The following LTBP1 variants were observed in gnomAD, a reference collection of about 807,000 sequenced individuals.
LTBP1 encodes the protein latent transforming growth factor beta binding protein 1.
LTBP1 carries 129 observed loss-of-function variants against 207.6 expected under a neutral mutation model. The ratio of observed to expected loss-of-function variants is 0.62; its 90% CI spans 0.54 to 0.72. LTBP1 has a LOEUF of 0.72. LTBP1 is among the 30% of genes least tolerant of loss of function. LTBP1 has a pLI of 0.00. For synonymous variants in LTBP1, 963 were observed against 833.7 expected (o/e 1.16, Z -2.67); for missense variants, 2,281 against 2,217.2 (o/e 1.03, Z -0.58).
At chr2:33,267,182 A>C (rs2093205354) in intron 15 of LTBP1, among the ~76,000 whole-genome samples, 1 of 152,246 alleles carries the variant, frequency 6.6e-6, no homozygotes, top group African/African-American at 2.4e-5. Flanking sequence ...CTGCTACAGC[A>C]GCTGGGATGC....
chr2:33,279,174 C>T (rs2093506665), intron 18 of LTBP1, among the ~76,000 whole-genome samples: 1 of 152,084 alleles, frequency 6.6e-6, no homozygotes, highest in Non-Finnish European at 1.5e-5. Context: ...ATTCAAGATC[C>T]ACCTCAGAAA....
intron 19 of LTBP1, among the ~76,000 whole-genome samples, chr2:33,288,318 T>C (rs2093704553): frequency 6.6e-6 from 1 of 152,098 alleles, no homozygotes; most frequent in Non-Finnish European, 1.5e-5. Flanking sequence ...ATACCCTCTG[T>C]ACATGGTGGG....
intron 5 of LTBP1, among the ~76,000 whole-genome samples, chr2:33,146,834 A>G (rs1347064023): frequency 6.6e-6 from 1 of 152,178 alleles, no homozygotes; most frequent in Non-Finnish European, 1.5e-5. Flanking sequence ...CCATGATCCA[A>G]TCACCTCCCA....
At chr2:32,987,544 C>T (rs1050768253) in intron 2 of LTBP1, among the ~76,000 whole-genome samples, 5 of 152,122 alleles carry the variant, frequency 3.3e-5, no homozygotes, top group African/African-American at 7.2e-5. Context: ...CCCTGCCACC[C>T]ACTTTGTGAT....
intron 3 of LTBP1, among the ~76,000 whole-genome samples, chr2:33,031,408 C>T (rs112652251): frequency 6.6e-6 from 1 of 152,208 alleles, no homozygotes; most frequent in Non-Finnish European, 1.5e-5. Context: ...TTCATTCATT[C>T]CATCAGCAGA....
chr2:33,005,053 TTC>T (rs1316785181), intron 2 of LTBP1, among the ~76,000 whole-genome samples: 3 of 152,074 alleles, frequency 2.0e-5, no homozygotes, highest in Non-Finnish European at 4.4e-5. Flanking sequence ...TGACGACTTG[TTC>T]ATACAGCCAC....
intron 23 of LTBP1, among the ~76,000 whole-genome samples, chr2:33,312,466 C>T (rs1021870802): frequency 1.2e-4 from 19 of 152,092 alleles, no homozygotes; most frequent in African/African-American, 4.3e-4. Context: ...ATTCAGAATG[C>T]AGTTCAGTTT....
intron 7 of LTBP1, among the ~76,000 whole-genome samples, chr2:33,191,944 A>T (rs996795924): frequency 6.6e-6 from 1 of 152,212 alleles, no homozygotes; most frequent in Non-Finnish European, 1.5e-5. Context: ...TTGGGATTGA[A>T]CACCAAGATG....
intron 2 of LTBP1, among the ~76,000 whole-genome samples, chr2:32,983,864 G>A (rs1056694990): frequency 1.3e-5 from 2 of 152,154 alleles, no homozygotes; most frequent in African/African-American, 4.8e-5. Flanking sequence ...TTTCTTCATA[G>A]CAGTATGAAA....
chr2:33,382,398 C>T (rs1324864296), intron 31 of LTBP1, among the ~76,000 whole-genome samples: 2 of 151,972 alleles, frequency 1.3e-5, no homozygotes, highest in African/African-American at 4.8e-5. Flanking sequence ...CCCAGTCTAG[C>T]TTCCCTAATG....
At chr2:33,017,605 G>A (rs758509239) in intron 2 of LTBP1, among the ~76,000 whole-genome samples, 1 of 151,724 alleles carries the variant, frequency 6.6e-6, no homozygotes, top group Non-Finnish European at 1.5e-5. Context: ...AAGGACATGA[G>A]TTGTTTTGTT....
intron 5 of LTBP1, among the ~76,000 whole-genome samples, chr2:33,177,590 C>T (rs6543692): frequency 0.079 from 11,940 of 152,086 alleles, 992 homozygotes; most frequent in African/African-American, 0.21. Flanking sequence ...ATGGCTTGAA[C>T]TTGGGAGATG....
intron 2 of LTBP1, among the ~76,000 whole-genome samples, chr2:32,993,729 G>C (rs1408389675): frequency 6.6e-6 from 1 of 152,286 alleles, no homozygotes; most frequent in East Asian, 1.9e-4. Flanking sequence ...GGGAACCCAA[G>C]AAGGGAAGCG....
intron 2 of LTBP1, among the ~76,000 whole-genome samples, chr2:32,978,639 A>G (rs1339427982): frequency 1.3e-5 from 2 of 149,836 alleles, no homozygotes; most frequent in African/African-American, 4.9e-5. Flanking sequence ...ATGTTTATTA[A>G]GGATATTGGC....
At chr2:33,058,246 TTA>T (rs2077103737) in intron 3 of LTBP1, among the ~76,000 whole-genome samples, 1 of 152,250 alleles carries the variant, frequency 6.6e-6, no homozygotes, top group African/African-American at 2.4e-5. Context: ...AGTAATAGAA[TTA>T]TGTTAGCATT....
chr2:33,217,644 C>G lies in LTBP1; in HGVS notation c.1794C>G (p.Pro598=). The G allele has an allele frequency of 6.2e-7, 1 of 1,612,272 alleles. No individual in the cohort carries two copies. Among genetic ancestry groups the G allele is most frequent in the East Asian group, 2.2e-5 (1 of 44,846 alleles). The part of the protein sequence containing the change: ...SWGFNKCQKC[P]KKPSYHGYNQ... The stretch of plus-strand genomic sequence containing the variant: ...GCTTTAACAAATGCCAGAAATGCCC[C>G]AAGAAACCATGTAAGTAATGTTTCC... The change falls in exon 8 of 34, where the codon CCC becomes CCG. Residue 598 remains proline (P), a synonymous_variant. Coordinates refer to ENST00000404816, the MANE Select transcript of LTBP1 (RefSeq NM_206943.4).
At chr2:33,183,721 C>G (rs573741251) in intron 5 of LTBP1, among the ~76,000 whole-genome samples, 1 of 152,168 alleles carries the variant, frequency 6.6e-6, no homozygotes, top group Non-Finnish European at 1.5e-5. Context: ...ACACACTGAG[C>G]CTGTCCAGTG....
intron 18 of LTBP1, among the ~76,000 whole-genome samples, chr2:33,276,791 C>G (rs1189951271): frequency 6.6e-6 from 1 of 152,226 alleles, no homozygotes; most frequent in Non-Finnish European, 1.5e-5. Flanking sequence ...GCAGAGGTTG[C>G]AGTGAGCTGA....
At chr2:33,340,716 A>G (rs776187618) in intron 24 of LTBP1, among the ~76,000 whole-genome samples, 1 of 152,158 alleles carries the variant, frequency 6.6e-6, no homozygotes, top group African/African-American at 2.4e-5. Flanking sequence ...AATAAAGTTG[A>G]CATGTACTAT....
Sources: gnomAD v4.1 joint callset for allele counts (sites outside exome capture counted in the v4.1 genomes callset) on GRCh38, gnomAD v4.1.1 for gene constraint, MANE v1.5 for transcripts, NCBI Gene and HGNC (gene_info 2026-07-23, HGNC 2026-07-21) for gene names.